TMEM202: variants seen among roughly 807,000 people sequenced by gnomAD.
The protein encoded by TMEM202 is transmembrane protein 202.
TMEM202 carries 25 observed loss-of-function variants against 26.1 expected under a neutral mutation model. The observed-to-expected ratio is 0.96, with a 90% CI of 0.70 to 1.34. The LOEUF (loss-of-function observed/expected upper bound fraction) is 1.34, where lower values mean the gene tolerates loss of function less well. Ranked by LOEUF, TMEM202 falls within the 40% of genes most tolerant of loss-of-function variation. The pLI is 0.00. For missense variants in TMEM202, 301 were observed against 327.7 expected, an observed-to-expected ratio of 0.92 and a Z score of 0.63; for synonymous variants, 122 against 119.0, an observed-to-expected ratio of 1.02 and a Z score of -0.16.
At chr15:72,406,785 G>GCCA in intron 3 of TMEM202, 34 bp downstream of exon 3, 1 of 1,602,580 alleles carries the variant, frequency 6.2e-7, no homozygotes, top group Non-Finnish European at 8.5e-7. Flanking sequence ...ATTTTACCAT[G>GCCA]GTAAAATAGT....
intron 4 of TMEM202, 50 bp from the exon 5 acceptor site, chr15:72,407,641 A>G: frequency 6.4e-7 from 1 of 1,567,610 alleles, no homozygotes; most frequent in Non-Finnish European, 8.8e-7. Context: ...TTTAAAAGCC[A>G]AAAGACCATT....
chr15:72,407,248 G>A (rs767412077), intron 4 of TMEM202, 31 bp downstream of exon 4: 1 of 1,608,700 alleles, frequency 6.2e-7, no homozygotes, highest in South Asian at 1.1e-5. Context: ...ATGCTAGAAG[G>A]ATGGATAGGG....
intron 1 of TMEM202, 59 bp from the exon 2 acceptor site, chr15:72,398,594 T>C: frequency 6.3e-7 from 1 of 1,590,986 alleles, no homozygotes; most frequent in Admixed American, 1.7e-5. Context: ...GAAGAGCGGG[T>C]GACCCTGGGG....
At position 72,407,884 on chromosome 15, in the gene TMEM202, G is replaced by C; in HGVS notation, c.813G>C (p.Leu271=). The C allele has an allele frequency of 6.2e-7, 1 of 1,613,020 alleles. No homozygotes were observed. The highest frequency in any genetic ancestry group is 8.5e-7 in the Non-Finnish European group (1 of 1,179,566). ...VREKNLPKSG[L]WW ...AGAAAAATTTACCAAAGTCAGGACT[G>C]TGGTGGTGATAGGAAAACCTAACTA... Residue 271 remains leucine, a synonymous_variant, in exon 5 of 5, where the codon CTG becomes CTC. Transcript: ENST00000341689.
rs2063582099 is a variant in TMEM202 at position 72,408,038 on chromosome 15, G to A, written c.*145G>A. 4.7e-6 allele frequency: 3 copies of A among 633,906 alleles called. No individual in the cohort carries two copies. The allele number at this position is 633,906 out of a possible 1,614,324, so 39.3% of individuals were successfully genotyped here. On this transcript the variant is annotated 3_prime_UTR_variant, in exon 5 of 5. Coordinates refer to ENST00000341689, the MANE Select transcript of TMEM202 (RefSeq NM_001080462.3). ...AAAGCTGATGAAATGTCTTTTGCGTGCATTGGATCCAAAATATATATGATA... is the reference window on the plus strand; with the variant it reads ...AAAGCTGATGAAATGTCTTTTGCGTACATTGGATCCAAAATATATATGATA...
Position 72,398,714 on chromosome 15 carries a change from T to C in TMEM202, c.143T>C (p.Leu48Pro). ...ATGTCATGCCAAAGGCAGCAGCAGC[T>C]TATGGATCAGGCACACATCTACATC... ...ASMSCQRQQQ[L>P]MDQAHIYIRT... is the part of the protein sequence containing the mutation. Residue 48 changes from leucine to proline, a missense_variant, in exon 2 of 5, where the codon CTT becomes CCT. Transcript: ENST00000341689. 2 of 1,614,154 alleles carry C rather than the reference T, an allele frequency of 1.2e-6. 1 individual carries two copies. Among genetic ancestry groups the C allele is most frequent in the South Asian group, 2.2e-5 (2 of 91,084 alleles).
chr15:72,400,488 A>C (rs1383881594), intron 2 of TMEM202, among the ~76,000 whole-genome samples: 2 of 152,244 alleles, frequency 1.3e-5, no homozygotes, highest in Non-Finnish European at 2.9e-5. Context: ...CCATTTCTAG[A>C]AATTAATTCC....
intron 2 of TMEM202, among the ~76,000 whole-genome samples, chr15:72,403,074 C>A (rs956321878): frequency 6.6e-6 from 1 of 152,148 alleles, no homozygotes; most frequent in Non-Finnish European, 1.5e-5. Context: ...CCAAAAGCTC[C>A]CTGGCCAACT....
At chr15:72,404,843 T>G (rs922572992) in intron 2 of TMEM202, among the ~76,000 whole-genome samples, 3 of 152,144 alleles carry the variant, frequency 2.0e-5, no homozygotes, top group Admixed American at 6.5e-5. Context: ...TCATGGAGGA[T>G]TGTGGACTAA....
At chr15:72,403,799 T>C (rs2063559471) in intron 2 of TMEM202, among the ~76,000 whole-genome samples, 1 of 152,250 alleles carries the variant, frequency 6.6e-6, no homozygotes, top group Non-Finnish European at 1.5e-5. Context: ...TTTGTTTATA[T>C]AATTTGTTGT....
At position 72,406,755 on chromosome 15, in the gene TMEM202, C is replaced by T. The variant is rs1391399614; in HGVS notation, c.487+4C>T. 1 of 1,613,168 alleles carries T rather than the reference C, an allele frequency of 6.2e-7. No homozygotes were observed. The highest frequency in any genetic ancestry group is 8.5e-7 in the Non-Finnish European group (1 of 1,179,716). ...TCCATGCTCAGCTTCATCTCAGGTA[C>T]AGACCTAGACTGGCAGGGTATTTTA... On this transcript the variant is annotated splice_donor_region_variant and intron_variant, in intron 3 of 4. Transcript: ENST00000341689.
chr15:72,402,759 T>A (rs981448847), intron 2 of TMEM202, among the ~76,000 whole-genome samples: 2 of 152,238 alleles, frequency 1.3e-5, no homozygotes, highest in South Asian at 4.2e-4. Flanking sequence ...GTTAGGACCC[T>A]AGGAACAACC....
At chr15:72,402,966 C>T (rs887914255) in intron 2 of TMEM202, among the ~76,000 whole-genome samples, 5 of 152,114 alleles carry the variant, frequency 3.3e-5, no homozygotes, top group East Asian at 3.9e-4. Context: ...TGTTGCCTTC[C>T]GTGCCTTGAA....
intron 2 of TMEM202, among the ~76,000 whole-genome samples, chr15:72,403,974 TCTTC>T (rs1266608442): frequency 1.3e-5 from 2 of 152,162 alleles, no homozygotes; most frequent in Non-Finnish European, 2.9e-5. Flanking sequence ...AAAGTTGCAG[TCTTC>T]TCCTCATGGT....
At chr15:72,406,998 T>G in intron 3 of TMEM202, 88 bp from the exon 4 acceptor site, 2 of 1,541,734 alleles carry the variant, frequency 1.3e-6, no homozygotes, top group Non-Finnish European at 1.8e-6. Flanking sequence ...GCTATACATA[T>G]GGCCTCTGGA....
intron 2 of TMEM202, among the ~76,000 whole-genome samples, chr15:72,402,485 C>A (rs935186359): frequency 1.3e-5 from 2 of 152,118 alleles, no homozygotes; most frequent in African/African-American, 2.4e-5. Context: ...TCTCTGAGTT[C>A]ACCTGGGTCT....
chr15:72,399,909 A>G (rs2063539881), intron 2 of TMEM202, among the ~76,000 whole-genome samples: 1 of 152,226 alleles, frequency 6.6e-6, no homozygotes, highest in Non-Finnish European at 1.5e-5. Context: ...TATTCTCATC[A>G]CATAAGCAGG....
intron 1 of TMEM202, 66 bp from the exon 2 acceptor site, chr15:72,398,587 G>A: frequency 6.3e-7 from 1 of 1,584,580 alleles, no homozygotes; most frequent in South Asian, 1.1e-5. Flanking sequence ...AGGTAGAGAA[G>A]AGCGGGTGAC....
In TMEM202 at chr15:72,407,747, G is replaced by A. The variant is rs143076809; in HGVS notation, c.676G>A (p.Val226Ile). Residue 226 changes from valine (V) to isoleucine (I), a missense_variant, in exon 5 of 5, where the codon GTC becomes ATC. Val to Ile is a conservative substitution (Grantham distance 29). Coordinates refer to ENST00000341689, the MANE Select transcript of TMEM202 (RefSeq NM_001080462.3). Reference sequence around the variant, plus strand: ...CAGATCGCCTGCCTGTGATGAAAACGTCACTGTGATTCCAACAGAGAGATC... The same window carrying A: ...CAGATCGCCTGCCTGTGATGAAAACATCACTGTGATTCCAACAGAGAGATC... ...TSRSPACDEN[V>I]TVIPTERSRL... is the part of the protein sequence containing the mutation. 5.1e-5 allele frequency: 83 copies of A among 1,613,944 alleles called. No homozygotes were observed. The South Asian group carries it at 5.7e-4, about 11-fold the overall frequency.
Sources: gnomAD v4.1 joint callset for allele counts (sites outside exome capture counted in the v4.1 genomes callset) on GRCh38, gnomAD v4.1.1 for gene constraint, MANE v1.5 for transcripts, NCBI Gene and HGNC (gene_info 2026-07-23, HGNC 2026-07-21) for gene names.